UNC5D: variants seen among roughly 807,000 people sequenced by gnomAD.
UNC5D encodes netrin receptor UNC5D.
A neutral mutation model predicts 105.4 loss-of-function variants in UNC5D; 39 were observed. The observed-to-expected ratio is 0.37, with a 90% CI of 0.29 to 0.48. The LOEUF is 0.48. Ranked by LOEUF, UNC5D falls within the 20% of genes least tolerant of loss-of-function variation. The pLI is 0.98. For missense variants in UNC5D, 991 were observed against 1,202.4 expected, an observed-to-expected ratio of 0.82 and a Z score of 2.60; for synonymous variants, 452 against 450.4, an observed-to-expected ratio of 1.00 and a Z score of -0.04.
chr8:35,275,852 T>C (rs987176236), intron 1 of UNC5D, among the ~76,000 whole-genome samples: 1 of 152,228 alleles, frequency 6.6e-6, no homozygotes, highest in African/African-American at 2.4e-5. Context: ...AGTTTTTATT[T>C]ATAATTACAT....
chr8:35,701,211 C>T (rs935559777), intron 7 of UNC5D, among the ~76,000 whole-genome samples: 3 of 152,190 alleles, frequency 2.0e-5, no homozygotes, highest in African/African-American at 7.2e-5. Flanking sequence ...AGCAACCCTA[C>T]TAACTGAATC....
At chr8:35,236,224 A>G (rs1215889804) in intron 1 of UNC5D, among the ~76,000 whole-genome samples, 1 of 151,646 alleles carries the variant, frequency 6.6e-6, no homozygotes, top group Admixed American at 6.6e-5. Context: ...TCTCCTCTCC[A>G]CTTCCTCTCA....
intron 7 of UNC5D, among the ~76,000 whole-genome samples, chr8:35,693,351 C>T (rs1204032860): frequency 6.6e-6 from 1 of 152,142 alleles, no homozygotes. Flanking sequence ...GTTGCCCATC[C>T]ACTACTGACT....
chr8:35,265,265 G>A (rs186539769), intron 1 of UNC5D, among the ~76,000 whole-genome samples: 1 of 152,236 alleles, frequency 6.6e-6, no homozygotes, highest in African/African-American at 2.4e-5. Flanking sequence ...ATAATGATTA[G>A]CAAGGTGTGT....
At chr8:35,567,472 T>C (rs1177438944) in intron 2 of UNC5D, among the ~76,000 whole-genome samples, 1 of 152,082 alleles carries the variant, frequency 6.6e-6, no homozygotes. Context: ...CTGGTCAACA[T>C]AGTGAGATCC....
chr8:35,495,529 G>A (rs1811524081), intron 1 of UNC5D, among the ~76,000 whole-genome samples: 7 of 151,622 alleles, frequency 4.6e-5, no homozygotes, highest in Admixed American at 3.9e-4. Context: ...ATTTGTGTTG[G>A]GCCCCATTCA....
intron 1 of UNC5D, among the ~76,000 whole-genome samples, chr8:35,315,414 TTGGCTGGGGCAGTGCAGA>T (rs953635462): frequency 2.0e-4 from 30 of 152,200 alleles, no homozygotes; most frequent in African/African-American, 6.5e-4. Context: ...TGTTTTTCTT[TTGGCTGGGGCAGTGCAGA>T]TGGCTGGGGC....
intron 1 of UNC5D, among the ~76,000 whole-genome samples, chr8:35,490,254 G>C (rs1440397244): frequency 6.6e-6 from 1 of 152,188 alleles, no homozygotes; most frequent in Non-Finnish European, 1.5e-5. Flanking sequence ...TGTAATCCCA[G>C]CACTTTGGGA....
chr8:35,721,126 A>T (rs985570525), intron 8 of UNC5D, among the ~76,000 whole-genome samples: 1 of 152,210 alleles, frequency 6.6e-6, no homozygotes, highest in African/African-American at 2.4e-5. Flanking sequence ...AGCCCAACAC[A>T]GGGGTGACAG....
intron 1 of UNC5D, among the ~76,000 whole-genome samples, chr8:35,262,189 T>C (rs1403100789): frequency 6.6e-6 from 1 of 152,152 alleles, no homozygotes; most frequent in African/African-American, 2.4e-5. Flanking sequence ...AGTAGATACT[T>C]CAGTTATACT....
intron 1 of UNC5D, among the ~76,000 whole-genome samples, chr8:35,408,063 T>C (rs1804921297): frequency 1.3e-5 from 2 of 152,124 alleles, no homozygotes; most frequent in Non-Finnish European, 2.9e-5. Flanking sequence ...CCTTAATCAT[T>C]AGATCATTTA....
At chr8:35,562,258 A>G (rs559839659) in intron 2 of UNC5D, among the ~76,000 whole-genome samples, 30 of 152,282 alleles carry the variant, frequency 2.0e-4, no homozygotes, top group African/African-American at 5.8e-4. Flanking sequence ...TTCTTCATCA[A>G]TTCCTTTACT....
chr8:35,386,886 T>C (rs1328523220), intron 1 of UNC5D, among the ~76,000 whole-genome samples: 1 of 152,152 alleles, frequency 6.6e-6, no homozygotes, highest in East Asian at 1.9e-4. Flanking sequence ...TTTTTTATTT[T>C]TCACTCTGAA....
At chr8:35,514,901 C>T (rs891960453) in intron 1 of UNC5D, among the ~76,000 whole-genome samples, 9 of 152,104 alleles carry the variant, frequency 5.9e-5, no homozygotes, top group African/African-American at 1.7e-4. Context: ...TTCCACCTGT[C>T]GCCCAAATAT....
At chr8:35,325,958 C>T (rs1810123642) in intron 1 of UNC5D, among the ~76,000 whole-genome samples, 1 of 152,186 alleles carries the variant, frequency 6.6e-6, no homozygotes, top group Admixed American at 6.5e-5. Flanking sequence ...GTGTTACCAT[C>T]ATCCTAACTG....
At chr8:35,433,426 G>A (rs115911184) in intron 1 of UNC5D, among the ~76,000 whole-genome samples, 2,166 of 152,142 alleles carry the variant, frequency 0.014, 62 homozygotes, top group African/African-American at 0.05. Flanking sequence ...GAGAGGAAAA[G>A]CTAACAGATT....
At chr8:35,656,361 C>G (rs1191927811) in intron 4 of UNC5D, among the ~76,000 whole-genome samples, 1 of 152,152 alleles carries the variant, frequency 6.6e-6, no homozygotes, top group Non-Finnish European at 1.5e-5. Flanking sequence ...TATAACCAGA[C>G]AATGCCATAT....
At chr8:35,516,539 A>G (rs1813105009) in intron 1 of UNC5D, among the ~76,000 whole-genome samples, 1 of 152,230 alleles carries the variant, frequency 6.6e-6, no homozygotes, top group South Asian at 2.1e-4. Context: ...ACATCATGCC[A>G]TCAATAGATG....
intron 16 of UNC5D, among the ~76,000 whole-genome samples, chr8:35,789,082 C>G (rs1802886704): frequency 7.4e-6 from 1 of 135,244 alleles, no homozygotes; most frequent in Admixed American, 8.6e-5. Context: ...CAAAGTGTTA[C>G]CTAACTCAGG....
Sources: allele counts gnomAD v4.1 joint callset (sites outside exome capture counted in the v4.1 genomes callset), GRCh38; gene constraint gnomAD v4.1.1; transcripts MANE v1.5; gene names NCBI Gene and HGNC (gene_info 2026-07-23, HGNC 2026-07-21).